NID2: variants seen among roughly 807,000 people sequenced by gnomAD.
NID2 encodes nidogen-2.
In NID2, 83 loss-of-function variants were observed where a neutral mutation model predicts 145.4. The ratio of observed to expected loss-of-function variants is 0.57; its 90% CI spans 0.48 to 0.69. The LOEUF (loss-of-function observed/expected upper bound fraction) is 0.69. Among genes scored for constraint, NID2 ranks in the 30% least tolerant of loss-of-function variants. The pLI is 0.00. For synonymous variants in NID2, 739 were observed against 701.3 expected, an observed-to-expected ratio of 1.05 and a Z score of -0.85; for missense variants, 1,807 against 1,765.7, an observed-to-expected ratio of 1.02 and a Z score of -0.42.
chr14:52,046,676 A>C (rs997616360), intron 5 of NID2, among the ~76,000 whole-genome samples: 1 of 152,246 alleles, frequency 6.6e-6, no homozygotes, highest in Non-Finnish European at 1.5e-5. Context: ...CTATTACAGA[A>C]AAAGAAGTTA....
chr14:52,067,765 A>G lies in NID2; in HGVS notation c.534+93T>C, dbSNP rs1258543629. Reference sequence around the variant, plus strand: ...TCAGGTTCAGCGCAAGAGTAGGCTCAGAAACAACTCCGAGCCAGTCCCTGG... The same window carrying G: ...TCAGGTTCAGCGCAAGAGTAGGCTCGGAAACAACTCCGAGCCAGTCCCTGG... On this transcript the variant is annotated intron_variant, in intron 2 of 21. Transcript: ENST00000216286. The G allele has an allele frequency of 5.6e-6, 8 of 1,438,636 alleles. No individual in the cohort carries two copies. The African/African-American group carries it at 1.1e-4, about 20-fold the overall frequency. 89.1% of individuals were successfully genotyped at this position (1,438,636 alleles called of 1,614,324 possible).
chr14:52,053,326 C>A (rs568599572), intron 5 of NID2, among the ~76,000 whole-genome samples: 2 of 152,318 alleles, frequency 1.3e-5, no homozygotes, highest in Admixed American at 1.3e-4. Flanking sequence ...AGTTTTCCCC[C>A]ACTCACTTCA....
chr14:52,008,225 G>T, intron 18 of NID2: 1 of 340,070 alleles, frequency 2.9e-6, no homozygotes. Flanking sequence ...TTTGAGGGAA[G>T]CTGGATGCCA....
intron 5 of NID2, among the ~76,000 whole-genome samples, chr14:52,049,892 G>T (rs1892632706): frequency 6.6e-6 from 1 of 152,082 alleles, no homozygotes; most frequent in African/African-American, 2.4e-5. Flanking sequence ...TCGGGGGGCG[G>T]CGGCTCCTGG....
chr14:52,059,138 C>G (rs1443987556), intron 3 of NID2, among the ~76,000 whole-genome samples: 1 of 152,220 alleles, frequency 6.6e-6, no homozygotes, highest in Non-Finnish European at 1.5e-5. Flanking sequence ...AATAGTAGTA[C>G]TAACCTACAA....
chr14:52,042,559 C>A (rs572506230), intron 6 of NID2, among the ~76,000 whole-genome samples: 1 of 152,258 alleles, frequency 6.6e-6, no homozygotes, highest in Non-Finnish European at 1.5e-5. Context: ...TACACTTTGG[C>A]TCTAATGAGC....
chr14:52,034,581 C>T (rs1891989673), intron 9 of NID2, among the ~76,000 whole-genome samples: 1 of 152,228 alleles, frequency 6.6e-6, no homozygotes, highest in Non-Finnish European at 1.5e-5. Context: ...TCGGGATTCT[C>T]ATTACAAGTC....
chr14:52,016,041 C>T (rs777587780), intron 14 of NID2, among the ~76,000 whole-genome samples: 2 of 151,996 alleles, frequency 1.3e-5, no homozygotes, highest in Non-Finnish European at 2.9e-5. Context: ...CCGTGTTGCC[C>T]TTTCCCCCCC....
In NID2 at chr14:52,054,012, G is replaced by C. The variant is rs1163937551; in HGVS notation, c.1069+8C>G. ...AGGACAGATCAGAATCTGGAGGGGAGATCCTACCCTCTAAAGGCTTTGTAT... is the reference window on the plus strand; with the variant it reads ...AGGACAGATCAGAATCTGGAGGGGACATCCTACCCTCTAAAGGCTTTGTAT... On this transcript the variant is annotated splice_region_variant and intron_variant, in intron 4 of 21. Transcript: ENST00000216286. 2 of 1,612,174 alleles carry C rather than the reference G, an allele frequency of 1.2e-6. No individual in the cohort carries two copies. Among genetic ancestry groups the C allele is most frequent in the Non-Finnish European group, 1.7e-6 (2 of 1,178,802 alleles).
intron 12 of NID2, among the ~76,000 whole-genome samples, chr14:52,024,320 A>C (rs1030698596): frequency 2.0e-5 from 3 of 152,236 alleles, no homozygotes; most frequent in Admixed American, 2.0e-4. Flanking sequence ...CCATCTTGCT[A>C]GCAGACTTTC....
Position 52,015,263 on chromosome 14 carries a change from C to G in NID2, c.3041G>C (p.Arg1014Thr), listed in dbSNP as rs757143310. 11 of 1,610,638 alleles carry G rather than the reference C, an allele frequency of 6.8e-6. No homozygotes were observed. Among genetic ancestry groups the G allele is most frequent in the African/African-American group, 4.0e-5 (3 of 74,832 alleles). The change falls in exon 15 of 22, where the codon AGG becomes ACG. Residue 1014 changes from arginine (R) to threonine (T), a missense_variant. By Grantham distance (71) the Arg-to-Thr change is moderately conservative. Coordinates refer to ENST00000216286, the MANE Select transcript of NID2 (RefSeq NM_007361.4). ...CCAGCGCTCACAGATGGTCGGGGGC[C>G]TCTGGGTGGGCTCTGAGCAGATGGG... Reference protein sequence around the residue: ...HCGPSPEPTQRPPTICERWRE... With the variant: ...HCGPSPEPTQTPPTICERWRE...
rs1298023972 is a variant in NID2, at chr14:52,043,013, A to G, written c.1430-82T>C. On this transcript the variant is annotated intron_variant, in intron 5 of 21. Transcript: ENST00000216286. ...GCATCGGGGACACAACATCTGCTCC[A>G]TAGAAGCAGTTTAGATCATAACAAA... 13 of 1,353,512 alleles carry G rather than the reference A, an allele frequency of 9.6e-6. No individual in the cohort carries two copies. The African/African-American group carries it at 1.6e-4, about 16-fold the overall frequency. The allele number at this position is 1,353,512 out of a possible 1,614,324, so 83.8% of individuals were successfully genotyped here. A position where few individuals can be genotyped will look rare whatever the true frequency, so the allele number is the denominator to read the frequency against.
At chr14:52,008,143 G>A (rs193166898) in intron 18 of NID2, 176 bp from the exon 19 acceptor site, 2 of 523,152 alleles carry the variant, frequency 3.8e-6, no homozygotes, top group Non-Finnish European at 6.6e-6. Context: ...TATAGCAGAA[G>A]TGATAGGCTA....
At position 52,014,434 on chromosome 14, in the gene NID2, G is replaced by A; in HGVS notation, c.3273C>T (p.Pro1091=). The part of the protein sequence containing the change: ...TPACIPTVAP[P]MVRPTPRPDV... Reference sequence around the variant, plus strand: ...CTGGCCGGGGCGTGGGCCGGACCATGGGTGGAGCGACGGTGGGTATACCTG... The same window carrying A: ...CTGGCCGGGGCGTGGGCCGGACCATAGGTGGAGCGACGGTGGGTATACCTG... The change falls in exon 16 of 22, where the codon CCC becomes CCT. Residue 1091 remains proline (P), a synonymous_variant. Coordinates refer to ENST00000216286, the MANE Select transcript of NID2 (RefSeq NM_007361.4). 1.2e-6 allele frequency: 2 copies of A among 1,612,648 alleles called. No homozygotes were observed. Among genetic ancestry groups the A allele is most frequent in the East Asian group, 2.2e-5 (1 of 44,862 alleles).
At chr14:52,017,825 T>TA (rs1295093984) in intron 14 of NID2, among the ~76,000 whole-genome samples, 9 of 149,848 alleles carry the variant, frequency 6.0e-5, no homozygotes, top group East Asian at 1.9e-4. Context: ...GACCTTTTTT[T>TA]AAAAAAACAA....
chr14:52,044,597 T>C (rs1478183024), intron 5 of NID2, among the ~76,000 whole-genome samples: 1 of 95,252 alleles, frequency 1.0e-5, no homozygotes, highest in African/African-American at 4.3e-5. Flanking sequence ...ACAACAACCC[T>C]AGGTAGCAGG....
intron 11 of NID2, among the ~76,000 whole-genome samples, 178 bp from the exon 12 acceptor site, chr14:52,027,522 A>G (rs1251682843): frequency 1.3e-5 from 2 of 152,084 alleles, no homozygotes; most frequent in African/African-American, 4.8e-5. Flanking sequence ...GATGGTTTGT[A>G]TGCTATTAAA....
chr14:52,005,074 A>G lies in NID2; in HGVS notation c.*412T>C, dbSNP rs752929783. The G allele has an allele frequency of 3.7e-4, 60 of 162,244 alleles. No homozygotes were observed. The highest frequency in any genetic ancestry group is 6.4e-4 in the Non-Finnish European group (48 of 74,910). 10.1% of individuals were successfully genotyped at this position (162,244 alleles called of 1,614,324 possible). Reference sequence around the variant, plus strand: ...TCTGCATTGGCTTCTCCAACTGTCAAGGTTTAGGATTATATTGTTATATTG... The same window carrying G: ...TCTGCATTGGCTTCTCCAACTGTCAGGGTTTAGGATTATATTGTTATATTG... On this transcript the variant is annotated 3_prime_UTR_variant, in exon 22 of 22. Transcript: ENST00000216286.
At chr14:52,037,078 T>C (rs1402127842) in intron 9 of NID2, among the ~76,000 whole-genome samples, 2 of 152,208 alleles carry the variant, frequency 1.3e-5, no homozygotes, top group Non-Finnish European at 2.9e-5. Context: ...AATTTACCCA[T>C]ATGTTTTCTT....
Sources: gnomAD v4.1 joint callset for allele counts (sites outside exome capture counted in the v4.1 genomes callset) on GRCh38, gnomAD v4.1.1 for gene constraint, MANE v1.5 for transcripts, NCBI Gene and HGNC (gene_info 2026-07-23, HGNC 2026-07-21) for gene names.